The following GUCY1A2 variants were observed in gnomAD, a reference collection of about 807,000 sequenced individuals.
The protein encoded by GUCY1A2 is guanylate cyclase soluble subunit alpha-2.
GUCY1A2 carries 27 observed loss-of-function variants against 63.5 expected under a neutral mutation model. The observed-to-expected ratio is 0.43, with a 90% confidence interval of 0.31 to 0.59. The LOEUF (loss-of-function observed/expected upper bound fraction) is 0.59, where lower values mean the gene tolerates loss of function less well. GUCY1A2 is among the 20% of genes least tolerant of loss of function. The probability of loss-of-function intolerance (pLI) is 0.11; values close to 1 mark genes in which losing one functional copy is unlikely to be tolerated. For missense variants in GUCY1A2, 768 were observed against 913.3 expected (o/e 0.84, Z 2.05); for synonymous variants, 364 against 343.5 (o/e 1.06, Z -0.66).
At chr11:106,962,446 T>C (rs1861070180) in intron 3 of GUCY1A2, among the ~76,000 whole-genome samples, 1 of 151,572 alleles carries the variant, frequency 6.6e-6, no homozygotes, top group Non-Finnish European at 1.5e-5. Flanking sequence ...TCCCACCTAC[T>C]TGGGAGGCTG....
chr11:106,944,628 A>G (rs956278986), intron 3 of GUCY1A2, among the ~76,000 whole-genome samples: 2 of 152,174 alleles, frequency 1.3e-5, no homozygotes, highest in Non-Finnish European at 2.9e-5. Flanking sequence ...CTGCACATGT[A>G]CCCCTGAATT....
chr11:106,913,354 T>C (rs1860322271), intron 4 of GUCY1A2, among the ~76,000 whole-genome samples: 1 of 152,100 alleles, frequency 6.6e-6, no homozygotes, highest in South Asian at 2.1e-4. Flanking sequence ...CTTCTGCCAT[T>C]AGTGGAAAGG....
intron 4 of GUCY1A2, among the ~76,000 whole-genome samples, chr11:106,907,147 G>A (rs1860221172): frequency 6.6e-6 from 1 of 151,980 alleles, no homozygotes; most frequent in Non-Finnish European, 1.5e-5. Flanking sequence ...CTCCATTTCT[G>A]AGCCTCCTGA....
intron 5 of GUCY1A2, among the ~76,000 whole-genome samples, chr11:106,781,470 T>C (rs1239394567): frequency 2.0e-5 from 3 of 152,208 alleles, no homozygotes; most frequent in Non-Finnish European, 2.9e-5. Context: ...CCTATCTCAG[T>C]TTATCTTTTC....
chr11:106,963,685 T>TATATAGA (rs1201999348), intron 3 of GUCY1A2, among the ~76,000 whole-genome samples: 1 of 152,102 alleles, frequency 6.6e-6, no homozygotes, highest in Non-Finnish European at 1.5e-5. Flanking sequence ...GGACACTAAT[T>TATATAGA]ATATAGAATT....
intron 2 of GUCY1A2, among the ~76,000 whole-genome samples, chr11:106,984,774 A>G (rs1472505372): frequency 1.3e-5 from 2 of 152,218 alleles, no homozygotes; most frequent in Non-Finnish European, 2.9e-5. Context: ...GGCAAATTCA[A>G]TGAGAGTGAT....
intron 4 of GUCY1A2, among the ~76,000 whole-genome samples, chr11:106,868,090 T>C (rs1437558560): frequency 6.6e-6 from 1 of 152,016 alleles, no homozygotes; most frequent in Admixed American, 6.6e-5. Flanking sequence ...TTCGGTTTCA[T>C]AATGTTCAAG....
intron 4 of GUCY1A2, among the ~76,000 whole-genome samples, chr11:106,920,613 G>T (rs553101616): frequency 6.6e-6 from 1 of 151,976 alleles, no homozygotes; most frequent in East Asian, 1.9e-4. Context: ...ATTTCCATTT[G>T]TTTAAACATT....
chr11:106,968,642 T>C (rs1476258192), intron 3 of GUCY1A2, among the ~76,000 whole-genome samples: 1 of 152,106 alleles, frequency 6.6e-6, no homozygotes, highest in Admixed American at 6.6e-5. Flanking sequence ...CTCCATTCCA[T>C]CAATGAGTCA....
chr11:106,903,379 A>C (rs1860161057), intron 4 of GUCY1A2, among the ~76,000 whole-genome samples: 1 of 152,146 alleles, frequency 6.6e-6, no homozygotes, highest in Non-Finnish European at 1.5e-5. Context: ...TAGAGAAACA[A>C]TGATATGGAA....
At chr11:106,779,100 GA>G (rs1206849818) in intron 5 of GUCY1A2, among the ~76,000 whole-genome samples, 6 of 152,118 alleles carry the variant, frequency 3.9e-5, no homozygotes, top group Non-Finnish European at 8.8e-5. Context: ...AAGCTCATGA[GA>G]CCAACAGTGC....
chr11:106,719,526 G>T (rs552198419), intron 6 of GUCY1A2, among the ~76,000 whole-genome samples: 19 of 152,250 alleles, frequency 1.2e-4, no homozygotes, highest in Non-Finnish European at 2.1e-4. Flanking sequence ...TAATGAGTTT[G>T]ATTGTTAAAC....
chr11:106,827,531 A>G (rs1047939384), intron 4 of GUCY1A2: 2 of 1,475,446 alleles, frequency 1.4e-6, no homozygotes, highest in South Asian at 1.1e-5. Context: ...TTTCCTTCAC[A>G]TATCAACTTT....
At chr11:106,948,238 T>C (rs1860857335) in intron 3 of GUCY1A2, among the ~76,000 whole-genome samples, 1 of 152,160 alleles carries the variant, frequency 6.6e-6, no homozygotes, top group South Asian at 2.1e-4. Flanking sequence ...AATAACTTTA[T>C]GTCAAAAGCT....
intron 4 of GUCY1A2, among the ~76,000 whole-genome samples, chr11:106,858,745 C>A (rs1859470663): frequency 6.6e-6 from 1 of 152,058 alleles, no homozygotes; most frequent in Admixed American, 6.6e-5. Context: ...AGGCCTAAAT[C>A]TAGAAGACAA....
intron 1 of GUCY1A2, among the ~76,000 whole-genome samples, chr11:106,998,337 AGAG>A (rs1861567652): frequency 6.6e-6 from 1 of 152,206 alleles, no homozygotes; most frequent in Non-Finnish European, 1.5e-5. Context: ...AGCTGCTTAC[AGAG>A]GAGAGGAAAT....
chr11:106,834,438 T>C (rs1433749717), intron 4 of GUCY1A2, among the ~76,000 whole-genome samples: 1 of 152,026 alleles, frequency 6.6e-6, no homozygotes, highest in African/African-American at 2.4e-5. Context: ...TAGAGACTAC[T>C]AAACTGGACA....
chr11:106,704,941 A>T (rs978666648), intron 7 of GUCY1A2, among the ~76,000 whole-genome samples: 2 of 151,290 alleles, frequency 1.3e-5, no homozygotes, highest in African/African-American at 4.8e-5. Flanking sequence ...TGCATATATT[A>T]TGTGCACTAT....
intron 6 of GUCY1A2, among the ~76,000 whole-genome samples, chr11:106,769,294 A>G (rs1288037109): frequency 6.6e-6 from 1 of 152,198 alleles, no homozygotes; most frequent in African/African-American, 2.4e-5. Context: ...AAAATAAATA[A>G]AAACGGTATG....
Sources: allele counts gnomAD v4.1 joint callset (sites outside exome capture counted in the v4.1 genomes callset), GRCh38; gene constraint gnomAD v4.1.1; transcripts MANE v1.5; gene names NCBI Gene and HGNC (gene_info 2026-07-23, HGNC 2026-07-21).